The following NCOR2 variants were observed in gnomAD, a reference collection of about 807,000 sequenced individuals.
NCOR2 encodes the protein CTG repeat protein 26.
In NCOR2, 81 loss-of-function variants were observed where a neutral mutation model predicts 262.9. The ratio of observed to expected loss-of-function variants is 0.31; its 90% confidence interval spans 0.26 to 0.37. The LOEUF (loss-of-function observed/expected upper bound fraction) is 0.37. NCOR2 is among the 10% of genes least tolerant of loss of function. NCOR2 has a pLI of 1.00. For synonymous variants in NCOR2, 1,659 were observed against 1,559.3 expected, an observed-to-expected ratio of 1.06 and a Z score of -1.51; for missense variants, 3,385 against 3,621.4, an observed-to-expected ratio of 0.93 and a Z score of 1.68.
chr12:124,396,054 C>T (rs755716302), intron 16 of NCOR2, among the ~76,000 whole-genome samples: 3 of 152,196 alleles, frequency 2.0e-5, no homozygotes, highest in African/African-American at 7.2e-5. Flanking sequence ...AACCATCATG[C>T]TCCCAGAAAG....
intron 27 of NCOR2, among the ~76,000 whole-genome samples, chr12:124,353,383 C>T (rs2037668612): frequency 6.6e-6 from 1 of 152,226 alleles, no homozygotes; most frequent in South Asian, 2.1e-4. Flanking sequence ...ATTTTTAAAA[C>T]CTGCAGATTT....
chr12:124,444,611 G>A (rs2045029725), intron 7 of NCOR2, among the ~76,000 whole-genome samples: 1 of 152,166 alleles, frequency 6.6e-6, no homozygotes, highest in Non-Finnish European at 1.5e-5. Context: ...GTTCTAGGGA[G>A]GGAGGCAGCA....
rs746796861 is a variant in NCOR2 at position 124,500,913 on chromosome 12, G to A, written c.-117-5545C>T. Among the ~76,000 whole-genome samples the A allele has an allele frequency of 5.9e-5, 9 of 152,166 alleles. No homozygotes were observed. In the South Asian group the frequency reaches 1.7e-3, roughly 28 times the overall value. ...GGGCTGTGGGGAGGATGAAAGGCACGCGGGGCTCTGCGCCGCACGTGCCTG... is the reference window on the plus strand; with the variant it reads ...GGGCTGTGGGGAGGATGAAAGGCACACGGGGCTCTGCGCCGCACGTGCCTG... On this transcript the variant is annotated intron_variant, in intron 1 of 46. Transcript: ENST00000404621.
intron 1 of NCOR2, among the ~76,000 whole-genome samples, chr12:124,563,443 G>A (rs190069092): frequency 3.3e-5 from 5 of 152,316 alleles, no homozygotes; most frequent in East Asian, 1.9e-4. Flanking sequence ...AGGTCCCTCC[G>A]CTGTGCAACC....
chr12:124,374,588 C>G, intron 18 of NCOR2, 125 bp from the exon 21 acceptor site: 1 of 905,454 alleles, frequency 1.1e-6, no homozygotes, highest in Non-Finnish European at 1.8e-6. Context: ...CGCTGCTGCT[C>G]GCTCTCCTGC....
At chr12:124,450,780 C>G (rs2045473295) in intron 6 of NCOR2, among the ~76,000 whole-genome samples, 1 of 152,228 alleles carries the variant, frequency 6.6e-6, no homozygotes, top group Non-Finnish European at 1.5e-5. Flanking sequence ...AGGGCACAGC[C>G]TAGGTTCAAG....
At chr12:124,550,113 G>A (rs1012058866) in intron 1 of NCOR2, among the ~76,000 whole-genome samples, 1 of 151,718 alleles carries the variant, frequency 6.6e-6, no homozygotes, top group African/African-American at 2.4e-5. Context: ...GGGTCTGGTG[G>A]ATGGAAGCAG....
At chr12:124,402,947 G>T (rs572196641) in intron 13 of NCOR2, among the ~76,000 whole-genome samples, 1 of 152,308 alleles carries the variant, frequency 6.6e-6, no homozygotes, top group Non-Finnish European at 1.5e-5. Flanking sequence ...CCTCAGCTGA[G>T]GGCTGGGAGG....
intron 3 of NCOR2, among the ~76,000 whole-genome samples, chr12:124,475,786 G>C (rs1375452679): frequency 2.0e-5 from 3 of 152,206 alleles, no homozygotes; most frequent in African/African-American, 7.2e-5. Flanking sequence ...TACCTTGGAA[G>C]GTGCTTGAAG....
At position 124,440,490 on chromosome 12, in the gene NCOR2, A is replaced by C. The variant is rs981160655; in HGVS notation, c.816-2494T>G. On this transcript the variant is annotated intron_variant, in intron 7 of 46. Transcript: ENST00000405201. The surrounding 1 kb of genome is among the most constrained non-coding windows in gnomAD (Gnocchi z 5.7). ...GGCTAGGACCAGCACCCTTCATCTC[A>C]TAACAGGGTGTCTCTGAGCACACCT... 1.4e-4 allele frequency among the ~76,000 whole-genome samples: 21 copies of C among 152,140 alleles called. No individual in the cohort carries two copies. Among genetic ancestry groups the C allele is most frequent in the African/African-American group, 4.8e-4 (20 of 41,436 alleles).
Position 124,481,281 on chromosome 12 carries a change from G to A in NCOR2, c.411+2315C>T, listed in dbSNP as rs1223028195. On this transcript the variant is annotated intron_variant, in intron 3 of 46. Coordinates refer to ENST00000405201, the Ensembl canonical transcript of NCOR2. The surrounding 1 kb of genome is among the most constrained non-coding windows in gnomAD (Gnocchi z 4.6). ...TGGGGTACCCGAGGGGGCAGTGCCC[G>A]AGAGGAACTGGCATCGACACCAGTC... is the stretch of plus-strand genomic sequence containing the variant. Among the ~76,000 whole-genome samples, 2 of 152,110 alleles carry A rather than the reference G, an allele frequency of 1.3e-5. No individual in the cohort carries two copies. The highest frequency in any genetic ancestry group is 2.4e-5 in the African/African-American group (1 of 41,412).
At position 124,361,826 on chromosome 12, in the gene NCOR2, T is replaced by C. The variant is rs1246574831; in HGVS notation, c.3100+300A>G. Among the ~76,000 whole-genome samples, 3 of 54,006 alleles carry C rather than the reference T, an allele frequency of 5.6e-5. No homozygotes were observed. In the Admixed American group the frequency reaches 8.9e-4, roughly 16 times the overall value. The allele number at this position is 54,006 out of a possible 152,430, so 35.4% of individuals were successfully genotyped here. A position where few individuals can be genotyped will look rare whatever the true frequency, so the allele number is the denominator to read the frequency against. ...GTTGAGAAACCAGGGACCAGGGGGATTTCACATAAGATGGATTTCTGGCTT... is the reference window on the plus strand; with the variant it reads ...GTTGAGAAACCAGGGACCAGGGGGACTTCACATAAGATGGATTTCTGGCTT... On this transcript the variant is annotated intron_variant, in intron 22 of 46. Transcript: ENST00000405201.
At chr12:124,543,371 C>A (rs2051438545) in intron 1 of NCOR2, among the ~76,000 whole-genome samples, 1 of 152,180 alleles carries the variant, frequency 6.6e-6, no homozygotes, top group Non-Finnish European at 1.5e-5. Context: ...ATAATAACAG[C>A]CCTCACTTCC....
At chr12:124,510,598 T>C (rs182906232) in intron 1 of NCOR2, among the ~76,000 whole-genome samples, 6 of 152,326 alleles carry the variant, frequency 3.9e-5, no homozygotes, top group African/African-American at 1.4e-4. Flanking sequence ...CCACCTCCTG[T>C]GTCCAGCTCA....
chr12:124,361,241 G>A (rs1220764284), intron 22 of NCOR2, among the ~76,000 whole-genome samples: 3 of 152,116 alleles, frequency 2.0e-5, no homozygotes, highest in South Asian at 2.1e-4. Flanking sequence ...TCAGGAGGTC[G>A]GCCTGGTGTC....
intron 16 of NCOR2, among the ~76,000 whole-genome samples, chr12:124,396,605 C>A (rs768335185): frequency 6.6e-6 from 1 of 152,142 alleles, no homozygotes; most frequent in Non-Finnish European, 1.5e-5. Flanking sequence ...GCCTGACCTG[C>A]AGCGGCAGGC....
chr12:124,358,107 G>A (rs868803731), intron 22 of NCOR2, among the ~76,000 whole-genome samples: 9 of 143,442 alleles, frequency 6.3e-5, no homozygotes, highest in African/African-American at 1.3e-4. Context: ...GCGCGCGCAC[G>A]TGCGTGCGTG....
chr12:124,336,462 C>T (rs2035910267), intron 38 of NCOR2: 1 of 469,568 alleles, frequency 2.1e-6, no homozygotes, highest in African/African-American at 2.1e-5. Flanking sequence ...GCCCCCAAAC[C>T]AGAGGGGCAG....
At chr12:124,368,190 C>T (rs1331261914) in intron 20 of NCOR2, among the ~76,000 whole-genome samples, 1 of 152,246 alleles carries the variant, frequency 6.6e-6, no homozygotes, top group Non-Finnish European at 1.5e-5. Context: ...CGTGGGGATG[C>T]TGGTGACCAG....
Sources: allele counts gnomAD v4.1 joint callset (sites outside exome capture counted in the v4.1 genomes callset), GRCh38; gene constraint gnomAD v4.1.1; non-coding constraint Gnocchi (gnomAD v3.1); transcripts MANE v1.5; gene names NCBI Gene and HGNC (gene_info 2026-07-23, HGNC 2026-07-21).